The following ARHGEF3 variants were observed in gnomAD, a reference collection of about 807,000 sequenced individuals.
ARHGEF3 encodes 59.8 kDA protein.
Under a neutral mutation model 63.2 loss-of-function variants are expected in ARHGEF3, and 28 were observed. The ratio of observed to expected loss-of-function variants is 0.44; its 90% CI spans 0.33 to 0.61. The LOEUF (loss-of-function observed/expected upper bound fraction) is 0.61, where lower values mean the gene tolerates loss of function less well. Among genes scored for constraint, ARHGEF3 ranks in the 20% least tolerant of loss-of-function variants. The pLI is 0.03. For synonymous variants in ARHGEF3, 266 were observed against 254.2 expected (o/e 1.05, Z -0.44); for missense variants, 533 against 659.3 (o/e 0.81, Z 2.10).
intron 2 of ARHGEF3, among the ~76,000 whole-genome samples, chr3:56,767,213 A>G (rs1175963276): frequency 1.3e-5 from 2 of 152,180 alleles, no homozygotes; most frequent in Non-Finnish European, 2.9e-5. Context: ...CTTCTATTGT[A>G]GAGTTATTTT....
rs186553077 is a variant in ARHGEF3 at position 56,904,081 on chromosome 3, G to C, written c.130-21727C>G. 2.6e-3 allele frequency among the ~76,000 whole-genome samples: 389 copies of C among 152,178 alleles called. 2 individuals are homozygous for C. The highest frequency in any genetic ancestry group is 3.5e-3 in the Admixed American group (54 of 15,290). ...GTCTAGCTCTGTTACCCAGGCCTGG[G>C]TGCAGTGTTGCAATCTCAGCTCACT... On this transcript the variant is annotated intron_variant, in intron 3 of 12. Coordinates refer to the ARHGEF3 transcript ENST00000338458.
chr3:56,970,377 T>C (rs1264354088), intron 2 of ARHGEF3, among the ~76,000 whole-genome samples: 1 of 152,082 alleles, frequency 6.6e-6, no homozygotes, highest in Non-Finnish European at 1.5e-5. Context: ...AAGAGAAAAT[T>C]CAGTAAATAA....
intron 2 of ARHGEF3, among the ~76,000 whole-genome samples, chr3:57,015,545 C>T (rs1263433203): frequency 1.4e-5 from 2 of 140,656 alleles, no homozygotes; most frequent in East Asian, 2.1e-4. Flanking sequence ...GCTATCCTCC[C>T]GCCTCAGCCT....
At chr3:56,810,307 G>C (rs946591065) in intron 4 of ARHGEF3, among the ~76,000 whole-genome samples, 1 of 152,170 alleles carries the variant, frequency 6.6e-6, no homozygotes, top group Non-Finnish European at 1.5e-5. Flanking sequence ...ACTTTGGGAA[G>C]CTGAGGCGGG....
intron 1 of ARHGEF3, chr3:57,074,045 T>C: frequency 1.2e-6 from 2 of 1,614,214 alleles, no homozygotes; most frequent in Non-Finnish European, 1.7e-6. Flanking sequence ...AGCAAGGCAG[T>C]TGTGAGCAAG....
intron 2 of ARHGEF3, among the ~76,000 whole-genome samples, chr3:57,013,545 C>A (rs1189462470): frequency 6.6e-6 from 1 of 152,060 alleles, no homozygotes; most frequent in African/African-American, 2.4e-5. Context: ...TTTATAAATG[C>A]ACCAATCAGT....
In ARHGEF3 at chr3:57,010,288, A is replaced by T. The variant is rs531790211; in HGVS notation, c.62+24800T>A. 4.0e-5 allele frequency among the ~76,000 whole-genome samples: 6 copies of T among 151,712 alleles called. No individual in the cohort carries two copies. In the South Asian group the frequency reaches 6.3e-4, roughly 16 times the overall value. On this transcript the variant is annotated intron_variant, in intron 2 of 12. Transcript: ENST00000338458. ...GCTAACATGGTGAAACCCCATCTCT[A>T]CTAAAAATACAAAAAAAATTAGCCG...
chr3:56,941,879 T>C (rs1360002599), intron 3 of ARHGEF3, among the ~76,000 whole-genome samples: 3 of 152,240 alleles, frequency 2.0e-5, no homozygotes, highest in Admixed American at 1.3e-4. Flanking sequence ...AAATATATGC[T>C]TTACATTATA....
chr3:56,803,120 C>T (rs925378987), upstream of ARHGEF3, among the ~76,000 whole-genome samples: 1 of 152,204 alleles, frequency 6.6e-6, no homozygotes, highest in Non-Finnish European at 1.5e-5. Flanking sequence ...GAATCCACAG[C>T]AAGCTTTTAC....
upstream of ARHGEF3, among the ~76,000 whole-genome samples, chr3:56,804,413 AG>A (rs1243436159): frequency 5.3e-5 from 8 of 152,314 alleles, no homozygotes; most frequent in East Asian, 1.4e-3. Flanking sequence ...CTTCTCAGGC[AG>A]GACACCTCAT....
intron 2 of ARHGEF3, among the ~76,000 whole-genome samples, chr3:57,002,723 G>C (rs1324525329): frequency 6.8e-6 from 1 of 147,970 alleles, no homozygotes; most frequent in East Asian, 2.0e-4. Context: ...TTGCTATTTA[G>C]CACTTCATAT....
At chr3:56,854,747 G>A (rs974252252) in intron 4 of ARHGEF3, among the ~76,000 whole-genome samples, 1 of 144,478 alleles carries the variant, frequency 6.9e-6, no homozygotes, top group Non-Finnish European at 1.5e-5. Flanking sequence ...GGTACTATTT[G>A]GGGGGATGCA....
chr3:57,002,653 G>A (rs1390622022), intron 2 of ARHGEF3, among the ~76,000 whole-genome samples: 4 of 148,390 alleles, frequency 2.7e-5, no homozygotes, highest in African/African-American at 9.9e-5. Flanking sequence ...GTAAACGTGT[G>A]TGTCATGGGG....
chr3:56,918,749 A>C (rs2042050796), intron 3 of ARHGEF3, among the ~76,000 whole-genome samples: 1 of 152,210 alleles, frequency 6.6e-6, no homozygotes, highest in African/African-American at 2.4e-5. Context: ...TGAGCTTTAT[A>C]ATGGGATATC....
rs144297791 is a variant in ARHGEF3, at chr3:56,846,319, T to C, written c.192+35973A>G. ...AATTAGAAAATGGGGCAGGAGGAAA[T>C]AGGTATTGAATTGGAACTCCAGATC... On this transcript the variant is annotated intron_variant, in intron 4 of 12. Transcript: ENST00000338458. Among the ~76,000 whole-genome samples the C allele has an allele frequency of 1.1e-3, 170 of 152,136 alleles. 1 individual carries two copies. Among genetic ancestry groups the C allele is most frequent in the African/African-American group, 4.0e-3 (164 of 41,508 alleles).
intron 2 of ARHGEF3, among the ~76,000 whole-genome samples, chr3:57,023,313 C>T (rs1703334826): frequency 6.6e-6 from 1 of 152,138 alleles, no homozygotes; most frequent in Admixed American, 6.5e-5. Flanking sequence ...TTCATGAGTT[C>T]ACCTCTCTCC....
intron 2 of ARHGEF3, among the ~76,000 whole-genome samples, chr3:56,973,253 G>A (rs1267670970): frequency 4.6e-5 from 7 of 152,028 alleles, no homozygotes; most frequent in African/African-American, 9.7e-5. Flanking sequence ...TCCTGACCTC[G>A]TGATCCGCGC....
At chr3:56,774,871 G>T in intron 1 of ARHGEF3, 1 of 779,000 alleles carries the variant, frequency 1.3e-6, no homozygotes, top group Non-Finnish European at 1.8e-6. Flanking sequence ...CAGCCTGGTT[G>T]ACAGAGACTC....
At chr3:57,024,067 A>C (rs1457407266) in intron 2 of ARHGEF3, among the ~76,000 whole-genome samples, 1 of 152,084 alleles carries the variant, frequency 6.6e-6, no homozygotes, top group African/African-American at 2.4e-5. Context: ...ACCCCAATGC[A>C]CCCTTCATAC....
Sources: allele counts gnomAD v4.1 joint callset (sites outside exome capture counted in the v4.1 genomes callset), GRCh38; gene constraint gnomAD v4.1.1; transcripts MANE v1.5; gene names NCBI Gene and HGNC (gene_info 2026-07-23, HGNC 2026-07-21).